SDCCAG8: variants seen among roughly 807,000 people sequenced by gnomAD.
SDCCAG8 encodes the protein serologically defined colon cancer antigen 8.
In SDCCAG8, 74 loss-of-function variants were observed where a neutral mutation model predicts 101.8. The observed-to-expected ratio is 0.73, with a 90% CI of 0.60 to 0.88. SDCCAG8 has a LOEUF of 0.88. Among genes scored for constraint, SDCCAG8 ranks in the 40% least tolerant of loss-of-function variants. The pLI, the probability that SDCCAG8 is intolerant of heterozygous loss-of-function variation, is 0.00. For synonymous variants in SDCCAG8, 281 were observed against 292.9 expected, an observed-to-expected ratio of 0.96 and a Z score of 0.41; for missense variants, 787 against 822.6, an observed-to-expected ratio of 0.96 and a Z score of 0.53.
At chr1:243,298,509 G>T (rs983285465) in intron 6 of SDCCAG8, among the ~76,000 whole-genome samples, 1 of 151,884 alleles carries the variant, frequency 6.6e-6, no homozygotes, top group African/African-American at 2.4e-5. Flanking sequence ...TAGAGACGGG[G>T]TTTCACCACG....
At chr1:243,376,314 G>A (rs577541798) in intron 12 of SDCCAG8, among the ~76,000 whole-genome samples, 3 of 152,130 alleles carry the variant, frequency 2.0e-5, no homozygotes, top group Non-Finnish European at 4.4e-5. Context: ...TTATCACTCC[G>A]ATTTTAGGAG....
intron 4 of SDCCAG8, among the ~76,000 whole-genome samples, chr1:243,278,117 A>G (rs2068728090): frequency 6.6e-6 from 1 of 152,240 alleles, no homozygotes; most frequent in Admixed American, 6.5e-5. Flanking sequence ...ATCCCTATCC[A>G]TGAACATGGA....
intron 4 of SDCCAG8, among the ~76,000 whole-genome samples, chr1:243,278,990 C>G (rs1404454040): frequency 1.3e-5 from 2 of 151,986 alleles, no homozygotes; most frequent in African/African-American, 4.8e-5. Context: ...GAGGTCTCAT[C>G]ATGTTGCCCA....
At chr1:243,312,701 G>A (rs2072855849) in intron 8 of SDCCAG8, among the ~76,000 whole-genome samples, 1 of 126,398 alleles carries the variant, frequency 7.9e-6, no homozygotes, top group African/African-American at 3.2e-5. Context: ...GGAAGAACCT[G>A]TCTCCAAAAA....
intron 10 of SDCCAG8, 147 bp from the exon 11 acceptor site, chr1:243,340,892 G>A: frequency 2.6e-6 from 2 of 782,612 alleles, no homozygotes; most frequent in Non-Finnish European, 4.4e-6. Flanking sequence ...GGTGAATAGA[G>A]GAAGGAGAAA....
intron 13 of SDCCAG8, among the ~76,000 whole-genome samples, chr1:243,399,715 C>T (rs1043389402): frequency 1.3e-5 from 2 of 152,024 alleles, no homozygotes; most frequent in African/African-American, 4.8e-5. Context: ...CCATATTGGC[C>T]AGACTGATCT....
intron 9 of SDCCAG8, 77 bp downstream of exon 9, chr1:243,316,970 C>A: frequency 7.1e-7 from 1 of 1,406,058 alleles, no homozygotes; most frequent in African/African-American, 1.5e-5. Flanking sequence ...TTTGGTTATT[C>A]TTCTATAACT....
intron 9 of SDCCAG8, among the ~76,000 whole-genome samples, chr1:243,320,482 G>T (rs2073660469): frequency 6.6e-6 from 1 of 152,164 alleles, no homozygotes; most frequent in African/African-American, 2.4e-5. Context: ...CAAGGCTGCT[G>T]CTTTTTTCCT....
At chr1:243,428,440 A>T (rs1165426204) in intron 16 of SDCCAG8, among the ~76,000 whole-genome samples, 4 of 152,202 alleles carry the variant, frequency 2.6e-5, no homozygotes, top group South Asian at 2.1e-4. Context: ...ATTATAGTTG[A>T]CCCTTAAACA....
At chr1:243,489,983 G>A (rs1665989900) in intron 17 of SDCCAG8, among the ~76,000 whole-genome samples, 1 of 152,224 alleles carries the variant, frequency 6.6e-6, no homozygotes, top group Non-Finnish European at 1.5e-5. Flanking sequence ...AGGATAATGA[G>A]GTGGTCCGTG....
At chr1:243,299,205 A>G (rs189727816) in intron 6 of SDCCAG8, among the ~76,000 whole-genome samples, 12 of 152,092 alleles carry the variant, frequency 7.9e-5, no homozygotes, top group African/African-American at 2.2e-4. Context: ...TTATTTTCTA[A>G]CTCCTAATTG....
chr1:243,384,073 G>A (rs1278124672), intron 13 of SDCCAG8, among the ~76,000 whole-genome samples: 2 of 151,962 alleles, frequency 1.3e-5, no homozygotes, highest in African/African-American at 2.4e-5. Context: ...GATGGCATTT[G>A]AGTAAATGAA....
At chr1:243,268,183 A>G (rs1404047422) in intron 1 of SDCCAG8, 3 of 547,440 alleles carry the variant, frequency 5.5e-6, no homozygotes, top group Non-Finnish European at 9.9e-6. Context: ...CCTGGAATAC[A>G]TTTTTATGTT....
At chr1:243,384,438 A>T (rs1199404884) in intron 13 of SDCCAG8, among the ~76,000 whole-genome samples, 2 of 152,220 alleles carry the variant, frequency 1.3e-5, no homozygotes, top group Non-Finnish European at 2.9e-5. Context: ...CTATATTATG[A>T]TTTTGTAATA....
Position 243,416,474 on chromosome 1 carries a change from G to C in SDCCAG8, c.1744+645G>C, listed in dbSNP as rs933727144. On this transcript the variant is annotated intron_variant, in intron 14 of 17. Coordinates refer to ENST00000366541, the MANE Select transcript of SDCCAG8 (RefSeq NM_006642.5). The surrounding 1 kb of genome is among the most constrained non-coding windows in gnomAD (Gnocchi z 4.3). Reference sequence around the variant, plus strand: ...CCCACCTCCCCCAACCCAATCTAGAGTGATGTTTAATCCTTTGCATTCTTC... The same window carrying C: ...CCCACCTCCCCCAACCCAATCTAGACTGATGTTTAATCCTTTGCATTCTTC... 2.0e-5 allele frequency among the ~76,000 whole-genome samples: 3 copies of C among 152,138 alleles called. No individual in the cohort carries two copies. Among genetic ancestry groups the C allele is most frequent in the Non-Finnish European group, 4.4e-5 (3 of 68,032 alleles).
chr1:243,393,142 A>G (rs968136347), intron 13 of SDCCAG8, among the ~76,000 whole-genome samples: 9 of 152,174 alleles, frequency 5.9e-5, no homozygotes, highest in African/African-American at 2.2e-4. Flanking sequence ...TAAAAGAGAA[A>G]TTACAAACAA....
At chr1:243,318,415 T>A in intron 9 of SDCCAG8, 2 of 234,448 alleles carry the variant, frequency 8.5e-6, no homozygotes, top group Non-Finnish European at 1.4e-5. Context: ...CTGGGCTTAA[T>A]ACCTGGGTGA....
intron 16 of SDCCAG8, among the ~76,000 whole-genome samples, chr1:243,485,776 A>G (rs1664660244): frequency 1.3e-5 from 2 of 151,720 alleles, no homozygotes; most frequent in South Asian, 4.2e-4. Context: ...CGGTGGCAGG[A>G]GCCTATAATC....
At chr1:243,380,296 A>C (rs1336327619) in intron 13 of SDCCAG8, among the ~76,000 whole-genome samples, 3 of 152,230 alleles carry the variant, frequency 2.0e-5, no homozygotes, top group African/African-American at 7.2e-5. Context: ...ATTTAATCTT[A>C]GAAGTTTCAG....
Sources: gnomAD v4.1 joint callset for allele counts (sites outside exome capture counted in the v4.1 genomes callset) on GRCh38, gnomAD v4.1.1 for gene constraint, Gnocchi (gnomAD v3.1) non-coding constraint, MANE v1.5 for transcripts, NCBI Gene and HGNC (gene_info 2026-07-23, HGNC 2026-07-21) for gene names.